SIRT5: variants seen among roughly 807,000 people sequenced by gnomAD.
SIRT5 encodes the protein sirtuin 5, also known as NAD-dependent protein deacylase sirtuin-5, mitochondrial.
SIRT5 carries 26 observed loss-of-function variants against 40.0 expected under a neutral mutation model. The observed-to-expected ratio is 0.65, with a 90% CI of 0.48 to 0.90. The LOEUF (loss-of-function observed/expected upper bound fraction) is 0.90. Ranked by LOEUF, SIRT5 falls within the 40% of genes least tolerant of loss-of-function variation. The probability of loss-of-function intolerance (pLI) is 0.00; values close to 1 mark genes in which losing one functional copy is unlikely to be tolerated. For synonymous variants in SIRT5, 146 were observed against 149.1 expected, an observed-to-expected ratio of 0.98 and a Z score of 0.15; for missense variants, 401 against 402.4, an observed-to-expected ratio of 1.00 and a Z score of 0.03.
rs1264986732 is a variant in SIRT5, at chr6:13,612,091, G to T, written c.*226G>T. On this transcript the variant is annotated 3_prime_UTR_variant, in exon 10 of 10. Coordinates refer to ENST00000606117, the MANE Select transcript of SIRT5 (RefSeq NM_012241.5). Reference sequence around the variant, plus strand: ...AAAGTTAATTCATATTATTTGGTTTGAACTGAAACGTGAGGTATCTTTGAT... The same window carrying T: ...AAAGTTAATTCATATTATTTGGTTTTAACTGAAACGTGAGGTATCTTTGAT... The T allele has an allele frequency of 2.6e-6, 1 of 382,186 alleles. No homozygotes were observed. Among genetic ancestry groups the T allele is most frequent in the East Asian group, 3.8e-5 (1 of 25,992 alleles). 23.7% of individuals were successfully genotyped at this position (382,186 alleles called of 1,614,324 possible).
chr6:13,577,501 A>G (rs1584729191), intron 1 of SIRT5, among the ~76,000 whole-genome samples: 1 of 151,750 alleles, frequency 6.6e-6, no homozygotes, highest in South Asian at 2.1e-4. Context: ...TGTATCCTGC[A>G]ACTTCCCTGA....
At chr6:13,605,196 G>A in intron 9 of SIRT5, 1 of 983,510 alleles carries the variant, frequency 1.0e-6, no homozygotes, top group Non-Finnish European at 1.2e-6. Context: ...ACTGCCTGTG[G>A]GCCAAATTTG....
At chr6:13,604,016 A>C (rs1215886142) in intron 9 of SIRT5, among the ~76,000 whole-genome samples, 1 of 152,228 alleles carries the variant, frequency 6.6e-6, no homozygotes, top group Non-Finnish European at 1.5e-5. Flanking sequence ...GAGAAGGTAG[A>C]TGAGTGGTTG....
chr6:13,586,788 A>G (rs1760141642), intron 3 of SIRT5, among the ~76,000 whole-genome samples: 1 of 152,316 alleles, frequency 6.6e-6, no homozygotes, highest in East Asian at 1.9e-4. Context: ...CTCTGGGCTT[A>G]TGAGGATGAG....
chr6:13,593,318 A>G (rs992721987), intron 5 of SIRT5, among the ~76,000 whole-genome samples: 2 of 152,146 alleles, frequency 1.3e-5, no homozygotes, highest in African/African-American at 4.8e-5. Flanking sequence ...GATCACCCTG[A>G]TAAGGAAAGC....
intron 2 of SIRT5, among the ~76,000 whole-genome samples, chr6:13,582,974 G>A (rs1435665370): frequency 6.6e-6 from 1 of 152,198 alleles, no homozygotes; most frequent in East Asian, 1.9e-4. Context: ...GGGAGGCCTA[G>A]GTGGGTGGAT....
intron 1 of SIRT5, among the ~76,000 whole-genome samples, chr6:13,576,359 G>A (rs936311091): frequency 3.0e-4 from 46 of 152,300 alleles, no homozygotes; most frequent in African/African-American, 1.0e-3. Flanking sequence ...ACAAGCGTGA[G>A]GTGGTAGCTC....
intron 3 of SIRT5, chr6:13,585,031 G>A (rs1381969926): frequency 1.3e-5 from 2 of 152,122 alleles, no homozygotes; most frequent in African/African-American, 4.8e-5. Flanking sequence ...GAACAGAACA[G>A]AGGCCTCAGA....
chr6:13,605,547 G>C (rs1762994071), intron 9 of SIRT5: 1 of 985,416 alleles, frequency 1.0e-6, no homozygotes, highest in Admixed American at 6.1e-5. Context: ...AAGTTGTTCA[G>C]ATTCTTTGCC....
intron 3 of SIRT5, 70 bp from the exon 4 acceptor site, chr6:13,588,261 A>T: frequency 6.5e-7 from 1 of 1,545,244 alleles, no homozygotes. Flanking sequence ...GTTTCAAGAT[A>T]CAGACAATTG....
chr6:13,577,545 T>A (rs926487687), intron 1 of SIRT5, among the ~76,000 whole-genome samples: 5 of 151,342 alleles, frequency 3.3e-5, no homozygotes, highest in African/African-American at 1.2e-4. Flanking sequence ...TTTGGTTGAG[T>A]CTTTAGTGTA....
chr6:13,591,903 C>T lies in SIRT5; in HGVS notation c.475+9C>T, dbSNP rs3734674. ...CCTTCTGGAGATCCATGGTGAGAGA[C>T]CCCCAGCCTCCCATTCAGGGAACCA... is the stretch of plus-strand genomic sequence containing the variant. On this transcript the variant is annotated intron_variant, in intron 5 of 9. Transcript: ENST00000606117. The T allele has an allele frequency of 0.31, 498,288 of 1,605,006 alleles. 79,807 individuals are homozygous for T. The highest frequency in any genetic ancestry group is 0.39 in the Middle Eastern group (2,336 of 6,032).
chr6:13,601,755 A>C (rs565064705), intron 9 of SIRT5, among the ~76,000 whole-genome samples: 144 of 152,212 alleles, frequency 9.5e-4, no homozygotes, highest in African/African-American at 3.3e-3. Context: ...TGCAGCCCAG[A>C]CATCATCATT....
At chr6:13,593,461 C>G (rs1165845453) in intron 5 of SIRT5, among the ~76,000 whole-genome samples, 1 of 152,182 alleles carries the variant, frequency 6.6e-6, no homozygotes, top group Non-Finnish European at 1.5e-5. Flanking sequence ...GCTGATTTCC[C>G]TGCAGTGTCA....
intron 1 of SIRT5, among the ~76,000 whole-genome samples, chr6:13,575,947 T>C (rs2841507): frequency 0.3 from 45,305 of 152,128 alleles, 6,853 homozygotes; most frequent in Admixed American, 0.33. Context: ...TGGCCTCATG[T>C]CCTCCAGGTT....
chr6:13,609,663 T>A (rs1763583268), intron 9 of SIRT5, among the ~76,000 whole-genome samples: 1 of 152,222 alleles, frequency 6.6e-6, no homozygotes, highest in Non-Finnish European at 1.5e-5. Flanking sequence ...TTTACTGCTA[T>A]AATTTCAAAT....
In SIRT5 at chr6:13,613,711, G is replaced by A. The variant is rs1309057422; in HGVS notation, c.*1846G>A. ...GGCTCGATGTACACTTTACATGGGT[G>A]GGCCAAGGAGTTTACACTGAGGGCA... On this transcript the variant is annotated 3_prime_UTR_variant, in exon 10 of 10. Coordinates refer to ENST00000606117, the MANE Select transcript of SIRT5 (RefSeq NM_012241.5). 1 of 152,208 alleles carries A rather than the reference G, an allele frequency of 6.6e-6. No homozygotes were observed. Among genetic ancestry groups the A allele is most frequent in the Non-Finnish European group, 1.5e-5 (1 of 68,056 alleles). The allele number at this position is 152,208 out of a possible 1,614,324, so 9.4% of individuals were successfully genotyped here.
intron 5 of SIRT5, among the ~76,000 whole-genome samples, chr6:13,592,486 G>C (rs1761056202): frequency 6.6e-6 from 1 of 152,116 alleles, no homozygotes; most frequent in African/African-American, 2.4e-5. Context: ...CTGTGCTTCT[G>C]CCCCGCCCTG....
At chr6:13,605,482 G>T (rs1250432296) in intron 9 of SIRT5, 29 of 985,238 alleles carry the variant, frequency 2.9e-5, no homozygotes, top group Admixed American at 6.1e-5. Context: ...CAGCTAGAAT[G>T]CTGCCTATAT....
Sources: gnomAD v4.1 joint callset for allele counts (sites outside exome capture counted in the v4.1 genomes callset) on GRCh38, gnomAD v4.1.1 for gene constraint, MANE v1.5 for transcripts, NCBI Gene and HGNC (gene_info 2026-07-23, HGNC 2026-07-21) for gene names.